The following HPN variants were observed in gnomAD, a reference collection of about 807,000 sequenced individuals.
HPN encodes hepsin.
In HPN, 13 loss-of-function variants were observed where a neutral mutation model predicts 55.9. That is an observed-to-expected ratio of 0.23 (90% CI 0.15 to 0.37). The LOEUF is 0.37. Among genes scored for constraint, HPN ranks in the 10% least tolerant of loss-of-function variants. The pLI, the probability that HPN is intolerant of heterozygous loss-of-function variation, is 1.00. For synonymous variants in HPN, 225 were observed against 240.3 expected, an observed-to-expected ratio of 0.94 and a Z score of 0.59; for missense variants, 451 against 575.8, an observed-to-expected ratio of 0.78 and a Z score of 2.22.
chr19:35,059,843 G>A, intron 5 of HPN, 31 bp from the exon 6 acceptor site: 1 of 1,522,972 alleles, frequency 6.6e-7, no homozygotes, highest in Non-Finnish European at 8.8e-7. Flanking sequence ...GGGAGGGGCT[G>A]GGGAGCAGGC....
rs528846123 is a variant in HPN at position 35,042,264 on chromosome 19, TC to T, written c.-54-183del. The T allele has an allele frequency of 1.9e-3, 2,503 of 1,344,294 alleles. 3 individuals carry two copies. The highest frequency in any genetic ancestry group is 2.6e-3 in the Admixed American group (73 of 27,782). 83.3% of individuals were successfully genotyped at this position (1,344,294 alleles called of 1,614,324 possible). On this transcript the variant is annotated intron_variant, in intron 1 of 12. Transcript: ENST00000672452. Reference sequence around the variant, plus strand: ...GTCCCCATCCCTGCAAATCCAGGCGTCCCCCCGCTGCTGGTCAGACACTGAC... The same window carrying T: ...GTCCCCATCCCTGCAAATCCAGGCGTCCCCCGCTGCTGGTCAGACACTGAC...
chr19:35,049,153 C>T (rs555415362), intron 2 of HPN, 137 bp from the exon 3 acceptor site: 51 of 536,830 alleles, frequency 9.5e-5, no homozygotes, highest in South Asian at 7.7e-4. Context: ...CTGCTGGCCC[C>T]GGGAAACTGG....
At chr19:35,064,890 C>T (rs932507559) in intron 9 of HPN, among the ~76,000 whole-genome samples, 4 of 152,008 alleles carry the variant, frequency 2.6e-5, no homozygotes, top group African/African-American at 4.8e-5. Flanking sequence ...GACATGATCT[C>T]GGCTCACTGC....
chr19:35,048,334 TTC>T (rs1265026183), intron 2 of HPN, among the ~76,000 whole-genome samples: 1 of 152,204 alleles, frequency 6.6e-6, no homozygotes, highest in Non-Finnish European at 1.5e-5. Context: ...GTGACCCCAC[TTC>T]TCTGAGCTAT....
At chr19:35,059,317 C>T (rs1479389165) in intron 4 of HPN, 1 of 385,550 alleles carries the variant, frequency 2.6e-6, no homozygotes, top group Non-Finnish European at 4.9e-6. Context: ...CAAAACAAAA[C>T]AAACAAACAA....
chr19:35,050,030 T>C (rs1437158628), intron 4 of HPN, among the ~76,000 whole-genome samples: 1 of 152,196 alleles, frequency 6.6e-6, no homozygotes, highest in Non-Finnish European at 1.5e-5. Flanking sequence ...TGTAAAAATG[T>C]GTTTCTTACT....
intron 4 of HPN, among the ~76,000 whole-genome samples, chr19:35,058,219 G>A (rs902232309): frequency 4.6e-5 from 7 of 150,626 alleles, no homozygotes; most frequent in African/African-American, 1.2e-4. Context: ...TCACTCTGTC[G>A]CCCAAACTGG....
chr19:35,062,110 A>G (rs1182909924), intron 9 of HPN, among the ~76,000 whole-genome samples: 2 of 151,996 alleles, frequency 1.3e-5, no homozygotes, highest in African/African-American at 2.4e-5. Context: ...AGGAAGGAAG[A>G]AAAGAAGAAA....
chr19:35,054,126 G>A (rs940603560), intron 4 of HPN, among the ~76,000 whole-genome samples: 6 of 152,078 alleles, frequency 3.9e-5, no homozygotes, highest in African/African-American at 1.4e-4. Flanking sequence ...GCATAGAAGT[G>A]GTCACTACTG....
intron 4 of HPN, among the ~76,000 whole-genome samples, chr19:35,056,552 C>T (rs555141944): frequency 6.6e-6 from 1 of 152,126 alleles, no homozygotes; most frequent in Non-Finnish European, 1.5e-5. Flanking sequence ...ACAAATTGCC[C>T]CCCAACCAGC....
chr19:35,050,914 C>CTTTTTTTTTTTTTTTTT (rs5827917), intron 4 of HPN, among the ~76,000 whole-genome samples: 28 of 90,446 alleles, frequency 3.1e-4, no homozygotes, highest in South Asian at 4.0e-4. Context: ...TTCTTTCTTT[C>CTTTTTTTTTTTTTTTTT]TTTTTTTTTT....
At chr19:35,056,987 G>A (rs2064461625) in intron 4 of HPN, among the ~76,000 whole-genome samples, 1 of 152,100 alleles carries the variant, frequency 6.6e-6, no homozygotes, top group Non-Finnish European at 1.5e-5. Context: ...GCAGTCTGGT[G>A]TATTAGTCAA....
chr19:35,064,907 C>T (rs552722084), intron 9 of HPN, among the ~76,000 whole-genome samples: 1 of 152,152 alleles, frequency 6.6e-6, no homozygotes, highest in East Asian at 1.9e-4. Flanking sequence ...CTGCAACCTC[C>T]ACCTCCTGGG....
intron 9 of HPN, among the ~76,000 whole-genome samples, chr19:35,064,401 T>C (rs1335008925): frequency 6.6e-6 from 1 of 151,816 alleles, no homozygotes; most frequent in African/African-American, 2.4e-5. Flanking sequence ...CAGGCTGGAG[T>C]GCAATGGCGC....
intron 1 of HPN, chr19:35,042,154 A>T (rs537933679): frequency 6.0e-6 from 7 of 1,163,748 alleles, no homozygotes; most frequent in Non-Finnish European, 7.5e-6. Context: ...CTCCTTTCCC[A>T]AGACTTATGA....
At chr19:35,042,197 C>T (rs1017315476) in intron 1 of HPN, 10 of 1,252,264 alleles carry the variant, frequency 8.0e-6, no homozygotes, top group Middle Eastern at 3.2e-4. Flanking sequence ...TCCCTCAAAC[C>T]GGGATCCTCA....
chr19:35,060,080 C>T, intron 6 of HPN, 49 bp from the exon 7 acceptor site: 2 of 1,614,128 alleles, frequency 1.2e-6, no homozygotes, highest in Non-Finnish European at 1.7e-6. Context: ...CCTGTCTTAA[C>T]TGGTCTCTAT....
chr19:35,040,527 C>A (rs1428472673), upstream of HPN: 2 of 152,384 alleles, frequency 1.3e-5, no homozygotes, highest in African/African-American at 4.9e-5. Flanking sequence ...TTCCAGGGAC[C>A]CTACCTGAGG....
At chr19:35,046,789 C>T (rs2064346121) in intron 2 of HPN, among the ~76,000 whole-genome samples, 1 of 152,164 alleles carries the variant, frequency 6.6e-6, no homozygotes. Context: ...TTCTTATAAT[C>T]CCTAGTGAAG....
Sources: gnomAD v4.1 joint callset for allele counts (sites outside exome capture counted in the v4.1 genomes callset) on GRCh38, gnomAD v4.1.1 for gene constraint, MANE v1.5 for transcripts, NCBI Gene and HGNC (gene_info 2026-07-23, HGNC 2026-07-21) for gene names.